Variants in PRH1 observed in about 807,000 individuals in gnomAD.
PRH1 encodes proline rich protein HaeIII subfamily 1.
PRH1 carries 7 observed loss-of-function variants against 7.9 expected under a neutral mutation model. That is an observed-to-expected ratio of 0.89 (90% CI 0.50 to 1.67). The LOEUF (loss-of-function observed/expected upper bound fraction) is 1.67, where lower values mean the gene tolerates loss of function less well. PRH1 is among the 40% of genes most tolerant of loss of function. The probability of loss-of-function intolerance (pLI) is 0.00; values close to 1 mark genes in which losing one functional copy is unlikely to be tolerated. For synonymous variants in PRH1, 45 were observed against 80.8 expected (o/e 0.56, Z 2.38); for missense variants, 109 against 223.6 (o/e 0.49, Z 3.27).
chr12:10,943,966 A>C (rs1473764834), intron 2 of PRH1, among the ~76,000 whole-genome samples: 2 of 152,190 alleles, frequency 1.3e-5, no homozygotes, highest in Non-Finnish European at 2.9e-5. Flanking sequence ...TATATTGGTC[A>C]CTGTAGCTCT....
At chr12:11,148,683 G>T (rs1946953117) in intron 1 of PRH1, among the ~76,000 whole-genome samples, 1 of 115,404 alleles carries the variant, frequency 8.7e-6, no homozygotes, top group Non-Finnish European at 2.0e-5. Flanking sequence ...GCTGGATTCG[G>T]TTTGCCAGTA....
intron 1 of PRH1, among the ~76,000 whole-genome samples, chr12:11,163,581 G>A (rs1592130932): frequency 2.0e-5 from 3 of 152,324 alleles, no homozygotes; most frequent in Middle Eastern, 6.8e-3. Flanking sequence ...TTATGTGAAT[G>A]TTGTGTGGTT....
In PRH1 at chr12:10,908,569, A is replaced by C. The variant is rs959035226; in HGVS notation, c.-58-24294T>G. On this transcript the variant is annotated intron_variant, in intron 2 of 3. Transcript: ENST00000539853. The stretch of plus-strand genomic sequence containing the variant: ...CATGATATGAGAACACATAGAAAGA[A>C]ACTAGCATAGAATAAAAGGAATGAG... 14 of 1,614,022 alleles carry C rather than the reference A, an allele frequency of 8.7e-6. No homozygotes were observed. Among genetic ancestry groups the C allele is most frequent in the Admixed American group, 5.0e-5 (3 of 59,956 alleles).
chr12:11,139,461 A>G (rs1369393600), intron 1 of PRH1, among the ~76,000 whole-genome samples: 1 of 152,210 alleles, frequency 6.6e-6, no homozygotes, highest in Non-Finnish European at 1.5e-5. Context: ...ACAATGTATT[A>G]AAAATTTTTT....
At chr12:10,959,344 T>TC (rs36046080) in intron 2 of PRH1, among the ~76,000 whole-genome samples, 149,504 of 152,196 alleles carry the variant, frequency 0.98, 73,468 homozygotes, top group Middle Eastern at 1. Flanking sequence ...GAGAAAGGAT[T>TC]CGGAGACCAG....
intron 2 of PRH1, among the ~76,000 whole-genome samples, chr12:10,940,220 A>G (rs953273036): frequency 3.9e-5 from 6 of 152,204 alleles, no homozygotes; most frequent in Non-Finnish European, 7.3e-5. Context: ...ACATGCGCGC[A>G]CACACACAAA....
intron 1 of PRH1, among the ~76,000 whole-genome samples, chr12:11,160,456 T>C (rs191086022): frequency 7.9e-6 from 1 of 125,958 alleles, no homozygotes; most frequent in East Asian, 2.0e-4. Context: ...TGAACTGGAA[T>C]TTTTGTTTGT....
At position 11,091,115 on chromosome 12, in the gene PRH1, C is replaced by T. The variant is rs867950241; in HGVS notation, n.124-43927G>A. ...ACACAAATACACACACACACACACA[C>T]ATATATATATATATATATATATATA... On this transcript the variant is annotated intron_variant and non_coding_transcript_variant, in intron 1 of 4. Transcript: ENST00000541977. Among the ~76,000 whole-genome samples, 177 of 25,092 alleles carry T rather than the reference C, an allele frequency of 7.1e-3. 15 individuals are homozygous for T. Among genetic ancestry groups the T allele is most frequent in the African/African-American group, 0.013 (170 of 12,720 alleles). 16.5% of individuals were successfully genotyped at this position (25,092 alleles called of 152,430 possible). A position where few individuals can be genotyped will look rare whatever the true frequency, so the allele number is the denominator to read the frequency against.
intron 1 of PRH1, chr12:11,165,962 G>C (rs986847335): frequency 6.6e-6 from 1 of 152,208 alleles, no homozygotes; most frequent in Non-Finnish European, 1.5e-5. Context: ...TGGGGCAATG[G>C]GAGCTCTTTG....
At position 10,945,148 on chromosome 12, in the gene PRH1, C is replaced by T. The variant is rs572904390; in HGVS notation, c.-59+28507G>A. ...AAAATGGTAACAGCTCTTCTTTGTA[C>T]ACCTGGTAGAATTTGGCTGTGAATC... On this transcript the variant is annotated intron_variant, in intron 2 of 3. Transcript: ENST00000539853. Among the ~76,000 whole-genome samples, 83 of 152,248 alleles carry T rather than the reference C, an allele frequency of 5.5e-4. 1 individual carries two copies. Among genetic ancestry groups the T allele is most frequent in the African/African-American group, 1.6e-3 (66 of 41,542 alleles).
At chr12:11,043,288 A>G (rs951392084) in intron 1 of PRH1, among the ~76,000 whole-genome samples, 2 of 152,194 alleles carry the variant, frequency 1.3e-5, no homozygotes, top group Admixed American at 1.3e-4. Context: ...ATATAGAAGG[A>G]AAATCTAAAC....
chr12:10,942,882 T>C (rs1395294808), intron 2 of PRH1, among the ~76,000 whole-genome samples: 3 of 152,204 alleles, frequency 2.0e-5, no homozygotes, highest in Non-Finnish European at 4.4e-5. Context: ...CCTTTTCTAC[T>C]GCTCCCTCTA....
intron 1 of PRH1, chr12:11,171,401 A>G: frequency 8.1e-7 from 1 of 1,231,936 alleles, no homozygotes; most frequent in Non-Finnish European, 1.0e-6. Flanking sequence ...TCAGGGCCTC[A>G]AGCCCCGCCG....
chr12:11,010,736 G>T (rs1013912898), intron 1 of PRH1, among the ~76,000 whole-genome samples: 1 of 151,702 alleles, frequency 6.6e-6, no homozygotes, highest in Admixed American at 6.6e-5. Flanking sequence ...TATTATTAAA[G>T]TTAACATTTT....
chr12:11,038,238 A>G (rs76499663), intron 1 of PRH1, among the ~76,000 whole-genome samples: 6 of 152,232 alleles, frequency 3.9e-5, no homozygotes, highest in African/African-American at 7.2e-5. Context: ...TAACATACAC[A>G]TAGAGAGTAA....
intron 1 of PRH1, among the ~76,000 whole-genome samples, chr12:11,153,420 G>A (rs1947161794): frequency 6.6e-6 from 1 of 152,182 alleles, no homozygotes; most frequent in South Asian, 2.1e-4. Context: ...AACTTCCTGT[G>A]TTAAAGTCAG....
intron 2 of PRH1, chr12:10,895,178 AT>A (rs1043947969): frequency 3.6e-4 from 55 of 152,286 alleles, no homozygotes; most frequent in African/African-American, 1.2e-3. Context: ...TAGAAATGAA[AT>A]TATAGCTTTT....
intron 1 of PRH1, among the ~76,000 whole-genome samples, chr12:11,062,557 T>C (rs1943659055): frequency 6.6e-6 from 1 of 152,130 alleles, no homozygotes; most frequent in Non-Finnish European, 1.5e-5. Context: ...TCTGTCCTTG[T>C]TATAGGCTGG....
chr12:10,929,387 C>A (rs372106068), intron 2 of PRH1: 20 of 1,607,220 alleles, frequency 1.2e-5, no homozygotes, highest in African/African-American at 2.7e-5. Context: ...GGTTTACGGG[C>A]GAATGCTATA....
Sources: gnomAD v4.1 joint callset for allele counts (sites outside exome capture counted in the v4.1 genomes callset) on GRCh38, gnomAD v4.1.1 for gene constraint, MANE v1.5 for transcripts, NCBI Gene and HGNC (gene_info 2026-07-23, HGNC 2026-07-21) for gene names.